Variants in TXNRD2 observed in about 807,000 individuals in gnomAD.
TXNRD2 encodes thioredoxin reductase 2.
TXNRD2 carries 67 observed loss-of-function variants against 70.8 expected under a neutral mutation model. The ratio of observed to expected loss-of-function variants is 0.95; its 90% CI spans 0.78 to 1.16. The LOEUF (loss-of-function observed/expected upper bound fraction) is 1.16. TXNRD2 is among the 50% of genes most tolerant of loss of function. TXNRD2 has a pLI of 0.00. For synonymous variants in TXNRD2, 301 were observed against 295.8 expected (o/e 1.02, Z -0.18); for missense variants, 644 against 719.9 (o/e 0.89, Z 1.21).
chr22:19,877,980 G>T, intron 16 of TXNRD2, 110 bp downstream of exon 16: 1 of 933,376 alleles, frequency 1.1e-6, no homozygotes, highest in Non-Finnish European at 1.7e-6. Context: ...AACCCACGAA[G>T]GCCACATAAA....
intron 11 of TXNRD2, among the ~76,000 whole-genome samples, chr22:19,888,905 C>T (rs1418536310): frequency 1.4e-5 from 2 of 142,706 alleles, no homozygotes; most frequent in African/African-American, 2.6e-5. Flanking sequence ...TTTCTGGAAT[C>T]GCACCTTCTC....
intron 2 of TXNRD2, among the ~76,000 whole-genome samples, chr22:19,920,965 G>A (rs1023304629): frequency 1.3e-5 from 2 of 152,104 alleles, no homozygotes; most frequent in Non-Finnish European, 2.9e-5. Flanking sequence ...AAATTAGTTG[G>A]GCGTGGTGGC....
intron 1 of TXNRD2, chr22:19,932,662 CTA>C (rs1286713763): frequency 7.8e-6 from 9 of 1,160,968 alleles, no homozygotes; most frequent in Non-Finnish European, 1.0e-5. Flanking sequence ...TGACAAGACT[CTA>C]GGGTATAAAA....
At chr22:19,917,029 C>T (rs578193766) in intron 5 of TXNRD2, among the ~76,000 whole-genome samples, 5 of 152,332 alleles carry the variant, frequency 3.3e-5, no homozygotes, top group East Asian at 3.9e-4. Context: ...GTCTGAGCTG[C>T]GTGAAGTTCC....
intron 8 of TXNRD2, among the ~76,000 whole-genome samples, chr22:19,899,300 C>T (rs1043487018): frequency 2.6e-5 from 4 of 152,198 alleles, no homozygotes; most frequent in South Asian, 2.1e-4. Context: ...GTGTCAGTGA[C>T]AAGTGGTACC....
chr22:19,877,347 C>T (rs1938556986), intron 16 of TXNRD2, 113 bp from the exon 17 acceptor site: 3 of 988,424 alleles, frequency 3.0e-6, no homozygotes, highest in Non-Finnish European at 4.6e-6. Context: ...CTCACTGTCC[C>T]CTGACCCCCA....
At position 19,892,360 on chromosome 22, in the gene TXNRD2, C is replaced by A. The variant is rs1163761557; in HGVS notation, c.949+3047G>T. 6.6e-5 allele frequency among the ~76,000 whole-genome samples: 10 copies of A among 152,282 alleles called. No homozygotes were observed. In the East Asian group the frequency reaches 1.9e-3, roughly 29 times the overall value. On this transcript the variant is annotated intron_variant, in intron 11 of 17. Coordinates refer to ENST00000400521, the MANE Select transcript of TXNRD2 (RefSeq NM_006440.5). ...CAGCACATGCCCGAGCGGCCCCCAG[C>A]AGGCGCGCAGAAGCCGCGCCGCCCT... is the stretch of plus-strand genomic sequence containing the variant.
At position 19,937,226 on chromosome 22, in the gene TXNRD2, C is replaced by T. The variant is rs752697536; in HGVS notation, c.103+4475G>A. On this transcript the variant is annotated intron_variant, in intron 1 of 17. Transcript: ENST00000400521. ...TTACTCAGGCTCAGCTCACAGGCTC[C>T]GATAATTACTCTGATACTACTGCTC... is the stretch of plus-strand genomic sequence containing the variant. 5.3e-5 allele frequency among the ~76,000 whole-genome samples: 8 copies of T among 152,156 alleles called. No individual in the cohort carries two copies. In the East Asian group the frequency reaches 5.8e-4, roughly 11 times the overall value.
chr22:19,911,339 A>T, intron 8 of TXNRD2, 38 bp downstream of exon 8: 1 of 1,545,852 alleles, frequency 6.5e-7, no homozygotes, highest in Non-Finnish European at 8.9e-7. Context: ...ACTCTGGTGA[A>T]CAAAAAGAGG....
chr22:19,915,226 T>C lies in TXNRD2; in HGVS notation c.579A>G (p.Arg193=). ...HIIIATGGRP[R]YPTHIEGALE... is the part of the protein sequence containing the mutation. ...TGGGGACACTCACGTGCGTGGGGTA[T>C]CTCGGCCGCCCTCCAGTAGCAATGA... The change falls in exon 7 of 18, where the codon AGA becomes AGG. Residue 193 remains arginine (R), a synonymous_variant. Transcript: ENST00000400521. 6.2e-7 allele frequency: 1 copy of C among 1,613,868 alleles called. No homozygotes were observed. Among genetic ancestry groups the C allele is most frequent in the African/African-American group, 1.3e-5 (1 of 75,008 alleles).
chr22:19,897,991 G>A, intron 10 of TXNRD2, 48 bp downstream of exon 10: 1 of 1,484,022 alleles, frequency 6.7e-7, no homozygotes, highest in Non-Finnish European at 9.1e-7. Context: ...GGCTGTGGGA[G>A]GAAGGCCTCA....
intron 1 of TXNRD2, chr22:19,932,225 C>T: frequency 6.5e-7 from 1 of 1,529,786 alleles, no homozygotes. Context: ...CTGGCCAGTG[C>T]ACACAGCCAG....
chr22:19,883,223 G>GT, intron 12 of TXNRD2, 102 bp downstream of exon 12: 1 of 1,439,100 alleles, frequency 6.9e-7, no homozygotes, highest in Non-Finnish European at 9.5e-7. Context: ...ATCAGAGAAA[G>GT]TGTCGTTTCT....
chr22:19,916,562 G>A lies in TXNRD2; in HGVS notation c.450-719C>T, dbSNP rs139327821. 4.9e-3 allele frequency among the ~76,000 whole-genome samples: 739 copies of A among 151,658 alleles called. 6 individuals are homozygous for A. The highest frequency in any genetic ancestry group is 0.017 in the African/African-American group (712 of 41,320). On this transcript the variant is annotated intron_variant, in intron 5 of 17. Transcript: ENST00000400521. The stretch of plus-strand genomic sequence containing the variant: ...TCGCCATGTTGGCCAGGCTGGTCTT[G>A]AACTCCTGACCTCAAGTGATCCACC...
chr22:19,941,771 T>G lies in TXNRD2; in HGVS notation c.33A>C (p.Leu11Phe). Residue 11 changes from leucine (L) to phenylalanine (F), a missense_variant, in exon 1 of 18, where the codon TTA (leucine) becomes TTC (phenylalanine). Around this residue, in one of 3 missense-constraint regions of TXNRD2, gnomAD observed 71 missense variants for 53.6 expected, o/e 1.33. Transcript: ENST00000400521. ...GCGTCCGCCACCGGAAGCGCCCTCC[T>G]AATCCCCGCAGCGCCACCGCCATTG... Reference protein sequence around the residue: MAAMAVALRGLGGRFRWRTQA... With the variant: MAAMAVALRGFGGRFRWRTQA... 6.6e-7 allele frequency: 1 copy of G among 1,523,268 alleles called. No homozygotes were observed. Among genetic ancestry groups the G allele is most frequent in the Admixed American group, 1.9e-5 (1 of 52,230 alleles). 94.4% of individuals were successfully genotyped at this position (1,523,268 alleles called of 1,614,324 possible).
chr22:19,941,621 C>A, intron 1 of TXNRD2, 80 bp downstream of exon 1: 5 of 1,362,362 alleles, frequency 3.7e-6, no homozygotes, highest in Non-Finnish European at 4.7e-6. Context: ...GACACCCTGG[C>A]CACCGCCGCG....
intron 11 of TXNRD2, chr22:19,891,539 T>G (rs1434647014): frequency 6.6e-6 from 1 of 152,300 alleles, no homozygotes; most frequent in Non-Finnish European, 1.5e-5. Flanking sequence ...TAAACTTAAC[T>G]GCACTTAGAA....
chr22:19,909,577 A>ACTCACACACACAC (rs1555911478), intron 8 of TXNRD2, among the ~76,000 whole-genome samples: 1 of 38,802 alleles, frequency 2.6e-5, no homozygotes, highest in African/African-American at 8.6e-5. Context: ...TACACACACC[A>ACTCACACACACAC]CACACACACA....
intron 12 of TXNRD2, chr22:19,881,114 G>C: frequency 2.2e-6 from 1 of 464,034 alleles, no homozygotes; most frequent in Admixed American, 3.8e-5. Context: ...GGCTAAAAAG[G>C]GACCCCAAAG....
Sources: allele counts gnomAD v4.1 joint callset (sites outside exome capture counted in the v4.1 genomes callset), GRCh38; gene constraint gnomAD v4.1.1; regional missense constraint gnomAD v4.1.1; transcripts MANE v1.5; gene names NCBI Gene and HGNC (gene_info 2026-07-23, HGNC 2026-07-21).